Variants in SLC17A6 observed in about 807,000 individuals in gnomAD.
SLC17A6 encodes solute carrier family 17 member 6.
A neutral mutation model predicts 67.1 loss-of-function variants in SLC17A6; 35 were observed. The ratio of observed to expected loss-of-function variants is 0.52; its 90% CI spans 0.40 to 0.69. The LOEUF (loss-of-function observed/expected upper bound fraction) is 0.69. Among genes scored for constraint, SLC17A6 ranks in the 30% least tolerant of loss-of-function variants. SLC17A6 has a pLI of 0.00. For synonymous variants in SLC17A6, 285 were observed against 252.3 expected (o/e 1.13, Z -1.23); for missense variants, 588 against 723.9 (o/e 0.81, Z 2.15).
chr11:22,373,371 CT>C (rs1377107114), intron 8 of SLC17A6, among the ~76,000 whole-genome samples: 1 of 152,048 alleles, frequency 6.6e-6, no homozygotes, highest in Non-Finnish European at 1.5e-5. Flanking sequence ...AGGTTTCTTT[CT>C]ACACATTGAC....
chr11:22,344,755 T>A (rs1021218923), intron 3 of SLC17A6, among the ~76,000 whole-genome samples: 1 of 152,216 alleles, frequency 6.6e-6, no homozygotes, highest in Non-Finnish European at 1.5e-5. Context: ...GAGAACCCCT[T>A]TTTATGGATG....
In SLC17A6 at chr11:22,340,139, T is replaced by A. The variant is rs560707937; in HGVS notation, c.87-1389T>A. On this transcript the variant is annotated intron_variant, in intron 1 of 11. Transcript: ENST00000263160. ...AAGCTATGCATATTTGAAATTAGTT[T>A]AAAAATTTCACTTGCTTTACCCGTG... Among the ~76,000 whole-genome samples, 19 of 152,334 alleles carry A rather than the reference T, an allele frequency of 1.2e-4. No homozygotes were observed. In the East Asian group the frequency reaches 3.1e-3, roughly 25 times the overall value.
At position 22,339,170 on chromosome 11, in the gene SLC17A6, ATATATATGTTT is replaced by A. The variant is rs1855781521; in HGVS notation, c.86+559_86+569del. ...ATATATAGTTATATATATATGTTATATATATATGTTTTATATATATATATATATATATATGT... is the reference window on the plus strand; with the variant it reads ...ATATATAGTTATATATATATGTTATATATATATATATATATATATATATGT... On this transcript the variant is annotated intron_variant, in intron 1 of 11. Transcript: ENST00000263160. Among the ~76,000 whole-genome samples, 10 of 60,024 alleles carry A rather than the reference ATATATATGTTT, an allele frequency of 1.7e-4. 2 individuals are homozygous for A. Among genetic ancestry groups the A allele is most frequent in the African/African-American group, 5.8e-4 (8 of 13,900 alleles). The allele number at this position is 60,024 out of a possible 152,430, so 39.4% of individuals were successfully genotyped here. A position where few individuals can be genotyped will look rare whatever the true frequency, so the allele number is the denominator to read the frequency against.
intron 7 of SLC17A6, among the ~76,000 whole-genome samples, chr11:22,368,694 A>T (rs1166900391): frequency 6.6e-6 from 1 of 152,090 alleles, no homozygotes; most frequent in Non-Finnish European, 1.5e-5. Flanking sequence ...ACATAATACT[A>T]TAATGCAGAC....
intron 1 of SLC17A6, among the ~76,000 whole-genome samples, 191 bp downstream of exon 1, chr11:22,338,810 C>G (rs1309180857): frequency 8.5e-6 from 1 of 117,198 alleles, no homozygotes; most frequent in African/African-American, 4.2e-5. Flanking sequence ...ATGAACCTGT[C>G]TGGTGTGTGT....
At chr11:22,344,989 C>A (rs1855860204) in intron 3 of SLC17A6, among the ~76,000 whole-genome samples, 1 of 151,770 alleles carries the variant, frequency 6.6e-6, no homozygotes, top group South Asian at 2.1e-4. Context: ...AAAAAAAAAT[C>A]CAACAATTCA....
chr11:22,340,505 A>G (rs559972654), intron 1 of SLC17A6, among the ~76,000 whole-genome samples: 1 of 152,328 alleles, frequency 6.6e-6, no homozygotes, highest in African/African-American at 2.4e-5. Context: ...ATGAAACACT[A>G]TGCAAAAACA....
intron 6 of SLC17A6, among the ~76,000 whole-genome samples, chr11:22,364,613 T>C (rs1856088297): frequency 6.7e-6 from 1 of 148,818 alleles, no homozygotes; most frequent in Admixed American, 6.6e-5. Flanking sequence ...AAGCTATGTA[T>C]GGTGTTAGGA....
At position 22,377,648 on chromosome 11, in the gene SLC17A6, G is replaced by A. The variant is rs1319678643; in HGVS notation, c.1657G>A (p.Gly553Ser). 6.2e-7 allele frequency: 1 copy of A among 1,613,920 alleles called. No individual in the cohort carries two copies. Among genetic ancestry groups the A allele is most frequent in the Non-Finnish European group, 8.5e-7 (1 of 1,179,872 alleles). Residue 553 changes from glycine to serine, a missense_variant, in exon 12 of 12, where the codon GGT becomes AGT. By Grantham distance (56) the Gly-to-Ser change is moderately conservative (BLOSUM62 0). This residue lies in a region of SLC17A6 where 414 missense variants were observed against 563.4 expected (regional missense o/e 0.73). Coordinates refer to ENST00000263160, the MANE Select transcript of SLC17A6 (RefSeq NM_020346.3). The part of the protein sequence containing the change: ...SYGATTQANG[G>S]WPSGWEKKEE... ...TGGTGCCACAACACAGGCCAATGGAGGTTGGCCTAGTGGTTGGGAAAAGAA... is the reference window on the plus strand; with the variant it reads ...TGGTGCCACAACACAGGCCAATGGAAGTTGGCCTAGTGGTTGGGAAAAGAA...
At chr11:22,338,846 TG>T (rs1855767548) in intron 1 of SLC17A6, among the ~76,000 whole-genome samples, 1 of 150,678 alleles carries the variant, frequency 6.6e-6, no homozygotes, top group Non-Finnish European at 1.5e-5. Context: ...TGTGTGTGTG[TG>T]TGTGTTTGAT....
At chr11:22,365,284 C>T (rs1192106943) in intron 6 of SLC17A6, among the ~76,000 whole-genome samples, 1 of 152,156 alleles carries the variant, frequency 6.6e-6, no homozygotes, top group Non-Finnish European at 1.5e-5. Flanking sequence ...TTCCAAACTA[C>T]ACCATTCTAA....
At chr11:22,365,737 C>T (rs745545570) in intron 7 of SLC17A6, 48 bp downstream of exon 7, 3 of 1,545,346 alleles carry the variant, frequency 1.9e-6, no homozygotes, top group Non-Finnish European at 2.6e-6. Context: ...CCCATCTCGC[C>T]CCCATTGACC....
intron 6 of SLC17A6, among the ~76,000 whole-genome samples, chr11:22,364,704 A>G (rs1014761772): frequency 1.3e-5 from 2 of 152,144 alleles, no homozygotes; most frequent in African/African-American, 4.8e-5. Context: ...CAAGGGACAA[A>G]CAGAACAGTG....
chr11:22,373,978 A>G (rs1590395313), intron 8 of SLC17A6, among the ~76,000 whole-genome samples: 1 of 152,172 alleles, frequency 6.6e-6, no homozygotes, highest in Non-Finnish European at 1.5e-5. Context: ...TTAGTAAAAA[A>G]CTTCCTTATG....
chr11:22,357,764 T>C (rs1285058089), intron 3 of SLC17A6, among the ~76,000 whole-genome samples: 1 of 152,200 alleles, frequency 6.6e-6, no homozygotes. Flanking sequence ...GACACACATA[T>C]TAGCTAAACC....
At chr11:22,369,195 T>C (rs1001530916) in intron 7 of SLC17A6, among the ~76,000 whole-genome samples, 4 of 152,026 alleles carry the variant, frequency 2.6e-5, no homozygotes, top group African/African-American at 9.7e-5. Flanking sequence ...TTAGGGAATA[T>C]GAGAGATATT....
intron 4 of SLC17A6, among the ~76,000 whole-genome samples, chr11:22,360,411 T>G (rs2133869640): frequency 6.6e-6 from 1 of 151,594 alleles, no homozygotes; most frequent in African/African-American, 2.4e-5. Flanking sequence ...ATAGGTCCAG[T>G]AAACCACCAT....
Position 22,360,538 on chromosome 11 carries a change from A to C in SLC17A6, c.574-359A>C, listed in dbSNP as rs941028826. 3.8e-3 allele frequency among the ~76,000 whole-genome samples: 398 copies of C among 104,180 alleles called. 6 individuals are homozygous for C. Among genetic ancestry groups the C allele is most frequent in the East Asian group, 0.015 (19 of 1,232 alleles). 68.3% of individuals were successfully genotyped at this position (104,180 alleles called of 152,430 possible). ...AACCCGCTCTCCTTCCCCCCCCCCCAAAAAAAAGATAGGTTCAAAATAACA... is the reference window on the plus strand; with the variant it reads ...AACCCGCTCTCCTTCCCCCCCCCCCCAAAAAAAGATAGGTTCAAAATAACA... On this transcript the variant is annotated intron_variant, in intron 4 of 11. Coordinates refer to ENST00000263160, the MANE Select transcript of SLC17A6 (RefSeq NM_020346.3).
At chr11:22,374,615 G>A (rs1275128918) in intron 8 of SLC17A6, 140 bp from the exon 9 acceptor site, 1 of 655,966 alleles carries the variant, frequency 1.5e-6, no homozygotes, top group Non-Finnish European at 2.4e-6. Context: ...TTCTAGGAAT[G>A]AGTAAGTGAT....
Sources: gnomAD v4.1 joint callset for allele counts (sites outside exome capture counted in the v4.1 genomes callset) on GRCh38, gnomAD v4.1.1 for gene constraint, gnomAD v4.1.1 regional missense constraint, MANE v1.5 for transcripts, NCBI Gene and HGNC (gene_info 2026-07-23, HGNC 2026-07-21) for gene names.